The following ANKRD27 variants were observed in gnomAD, a reference collection of about 807,000 sequenced individuals.
ANKRD27 encodes the protein ankyrin repeat domain-containing protein 27.
In ANKRD27, 112 loss-of-function variants were observed where a neutral mutation model predicts 129.7. The observed-to-expected ratio is 0.86, with a 90% CI of 0.74 to 1.01. The LOEUF is 1.01. ANKRD27 is among the 50% of genes least tolerant of loss of function. The pLI is 0.00. For synonymous variants in ANKRD27, 516 were observed against 511.2 expected, an observed-to-expected ratio of 1.01 and a Z score of -0.13; for missense variants, 1,258 against 1,300.5, an observed-to-expected ratio of 0.97 and a Z score of 0.50.
chr19:32,627,416 T>G (rs1966909011), intron 15 of ANKRD27, among the ~76,000 whole-genome samples: 2 of 138,488 alleles, frequency 1.4e-5, no homozygotes, highest in South Asian at 2.3e-4. Context: ...ATTTATTTTT[T>G]GAGACAGAGT....
At chr19:32,621,908 A>C (rs1201204149) in intron 18 of ANKRD27, among the ~76,000 whole-genome samples, 1 of 152,108 alleles carries the variant, frequency 6.6e-6, no homozygotes, top group Non-Finnish European at 1.5e-5. Context: ...AGCCCCACTG[A>C]CTCACGAGAG....
chr19:32,619,948 T>A (rs1971983152), intron 18 of ANKRD27, among the ~76,000 whole-genome samples: 1 of 152,054 alleles, frequency 6.6e-6, no homozygotes, highest in Non-Finnish European at 1.5e-5. Flanking sequence ...AGGTCTCAAG[T>A]AGGAACAGCT....
At chr19:32,604,236 C>T in intron 25 of ANKRD27, 27 bp downstream of exon 25, 6 of 1,577,242 alleles carry the variant, frequency 3.8e-6, no homozygotes, top group Non-Finnish European at 3.5e-6. Flanking sequence ...TCAGGATTCC[C>T]TCGGCTCTTC....
intron 10 of ANKRD27, among the ~76,000 whole-genome samples, chr19:32,641,585 T>C (rs1483736375): frequency 6.6e-6 from 1 of 152,168 alleles, no homozygotes; most frequent in African/African-American, 2.4e-5. Context: ...AGGACAGCTA[T>C]GAGCTCACCA....
In ANKRD27 at chr19:32,607,734, G is replaced by A; in HGVS notation, c.2274C>T (p.Asp758=). 6.2e-7 allele frequency: 1 copy of A among 1,612,998 alleles called. No homozygotes were observed. Among genetic ancestry groups the A allele is most frequent in the Non-Finnish European group, 8.5e-7 (1 of 1,179,662 alleles). The change falls in exon 23 of 29, where the codon GAC becomes GAT. Residue 758 remains aspartate (D), a synonymous_variant. Transcript: ENST00000306065. ...LHVAALHGRA[D]LIPLLLKHGA... ...CGTGCTTCAGCAGGAGGGGGATGAG[G>A]TCCGCCCGGCCGTGCAGGGCGGCGA...
chr19:32,653,544 T>C (rs1967460846), intron 2 of ANKRD27, among the ~76,000 whole-genome samples: 1 of 151,954 alleles, frequency 6.6e-6, no homozygotes, highest in African/African-American at 2.4e-5. Context: ...AGAGGTGACT[T>C]TTAGAAGCAG....
intron 10 of ANKRD27, 29 bp from the exon 11 acceptor site, chr19:32,640,414 C>T: frequency 6.3e-7 from 1 of 1,597,586 alleles, no homozygotes; most frequent in Non-Finnish European, 8.6e-7. Context: ...CATTCAATGC[C>T]ATCATGAGAT....
intron 22 of ANKRD27, among the ~76,000 whole-genome samples, chr19:32,613,732 G>A (rs191640450): frequency 9.4e-5 from 13 of 137,864 alleles, no homozygotes; most frequent in East Asian, 2.1e-4. Context: ...TTTTTGAGAC[G>A]GAGTCTTGCT....
Position 32,617,579 on chromosome 19 carries a change from A to G in ANKRD27, c.2052+10T>C, listed in dbSNP as rs1971938827. 1 of 755,264 alleles carries G rather than the reference A, an allele frequency of 1.3e-6. No homozygotes were observed. Among genetic ancestry groups the G allele is most frequent in the Non-Finnish European group, 2.4e-6 (1 of 409,002 alleles). 46.8% of individuals were successfully genotyped at this position (755,264 alleles called of 1,614,324 possible). ...TAAAAATAAAATAAAAAGCACTTCT[A>G]AAAACTCACCATTTCTAGATCTCCA... is the stretch of plus-strand genomic sequence containing the variant. On this transcript the variant is annotated intron_variant, in intron 21 of 28. Coordinates refer to ENST00000306065, the MANE Select transcript of ANKRD27 (RefSeq NM_032139.3).
intron 25 of ANKRD27, among the ~76,000 whole-genome samples, chr19:32,602,440 C>A (rs186555779): frequency 2.4e-4 from 36 of 152,154 alleles, no homozygotes; most frequent in Non-Finnish European, 4.1e-4. Context: ...CTGTTGAGGG[C>A]CCCCATATAG....
intron 1 of ANKRD27, chr19:32,666,188 C>G (rs1282340371): frequency 6.6e-6 from 1 of 152,178 alleles, no homozygotes; most frequent in Non-Finnish European, 1.5e-5. Context: ...TTTATATATT[C>G]TGTATAGACT....
chr19:32,604,370 C>T lies in ANKRD27; in HGVS notation c.2548G>A (p.Ala850Thr). ...NNKGNTALHEAVIEKHVFVVE... is the reference protein window; with the variant it reads ...NNKGNTALHETVIEKHVFVVE... ...ACGAAGACGTGCTTTTCAATCACAGCCTCGTGCAGCGCTGTGTTGCCCTTA... is the reference window on the plus strand; with the variant it reads ...ACGAAGACGTGCTTTTCAATCACAGTCTCGTGCAGCGCTGTGTTGCCCTTA... Residue 850 changes from alanine to threonine, a missense_variant, in exon 25 of 29, where the codon GCT becomes ACT. Physicochemically the swap from Ala to Thr is moderately conservative, Grantham distance 58 (BLOSUM62 0). Coordinates refer to ENST00000306065, the MANE Select transcript of ANKRD27 (RefSeq NM_032139.3). 6.2e-7 allele frequency: 1 copy of T among 1,613,696 alleles called. No individual in the cohort carries two copies. The highest frequency in any genetic ancestry group is 8.5e-7 in the Non-Finnish European group (1 of 1,179,652).
intron 12 of ANKRD27, among the ~76,000 whole-genome samples, chr19:32,633,900 C>T (rs1036053477): frequency 1.3e-5 from 2 of 151,906 alleles, no homozygotes; most frequent in Non-Finnish European, 2.9e-5. Context: ...TGTGGTGGCA[C>T]ACACCTGTAG....
intron 21 of ANKRD27, among the ~76,000 whole-genome samples, chr19:32,616,059 C>T (rs868109346): frequency 6.6e-6 from 1 of 152,040 alleles, no homozygotes; most frequent in Non-Finnish European, 1.5e-5. Flanking sequence ...TAGGGCTGGG[C>T]GCAGTGGCTT....
intron 1 of ANKRD27, among the ~76,000 whole-genome samples, chr19:32,668,567 G>A (rs1967805267): frequency 6.6e-6 from 1 of 151,508 alleles, no homozygotes; most frequent in African/African-American, 2.4e-5. Context: ...TGACCTCCTG[G>A]GCTGAGGTGA....
chr19:32,625,703 A>C (rs1232198142), intron 17 of ANKRD27, among the ~76,000 whole-genome samples, 171 bp downstream of exon 17: 1 of 152,172 alleles, frequency 6.6e-6, no homozygotes, highest in Non-Finnish European at 1.5e-5. Flanking sequence ...AAGTGCTGGG[A>C]TTACAGGCGT....
chr19:32,622,527 G>C lies in ANKRD27; in HGVS notation c.1722C>G (p.Arg574=), dbSNP rs771641456. 17 of 1,613,972 alleles carry C rather than the reference G, an allele frequency of 1.1e-5. No homozygotes were observed. In the South Asian group the frequency reaches 1.6e-4, roughly 16 times the overall value. The part of the protein sequence containing the change: ...KGDTPLHIAA[R]WGYQGVIETL... The stretch of plus-strand genomic sequence containing the variant: ...TCTCTATGACGCCTTGGTAGCCCCA[G>C]CGGGCAGCAATGTGTAGAGGGGTGT... Residue 574 remains arginine (R), a synonymous_variant, in exon 18 of 29, where the codon CGC becomes CGG. Transcript: ENST00000306065.
At chr19:32,663,639 T>A (rs946996093) in intron 1 of ANKRD27, among the ~76,000 whole-genome samples, 6 of 152,238 alleles carry the variant, frequency 3.9e-5, no homozygotes, top group African/African-American at 1.4e-4. Context: ...CCCACGTATG[T>A]TTAGCCTGTT....
intron 4 of ANKRD27, among the ~76,000 whole-genome samples, chr19:32,645,763 G>A (rs1017597828): frequency 2.6e-5 from 4 of 151,998 alleles, no homozygotes; most frequent in Admixed American, 1.3e-4. Context: ...CTCCTGAGTA[G>A]CTGGGATTAC....
Sources: allele counts gnomAD v4.1 joint callset (sites outside exome capture counted in the v4.1 genomes callset), GRCh38; gene constraint gnomAD v4.1.1; transcripts MANE v1.5; gene names NCBI Gene and HGNC (gene_info 2026-07-23, HGNC 2026-07-21).